The following C12orf42 variants were observed in gnomAD, a reference collection of about 807,000 sequenced individuals.
C12orf42 encodes uncharacterized protein C12orf42.
C12orf42 carries 25 observed loss-of-function variants against 21.6 expected under a neutral mutation model. The observed-to-expected ratio is 1.16, with a 90% confidence interval of 0.84 to 1.62. C12orf42 has a LOEUF of 1.62. Among genes scored for constraint, C12orf42 ranks in the 40% most tolerant of loss-of-function variants. The probability of loss-of-function intolerance (pLI) is 0.00; values close to 1 mark genes in which losing one functional copy is unlikely to be tolerated. For missense variants in C12orf42, 483 were observed against 459.3 expected (o/e 1.05, Z -0.47); for synonymous variants, 174 against 175.0 (o/e 0.99, Z 0.05).
At chr12:103,335,030 T>C (rs2041570424) in intron 4 of C12orf42, among the ~76,000 whole-genome samples, 1 of 152,236 alleles carries the variant, frequency 6.6e-6, no homozygotes, top group South Asian at 2.1e-4. Context: ...AACTGTATGT[T>C]TCATTGCTTT....
the C12orf42 span, chr12:103,504,856 TC>T: frequency 1.3e-5 from 2 of 157,580 alleles, no homozygotes; most frequent in African/African-American, 2.4e-5. Context: ...CATGAAAACC[TC>T]TGAGGGTACA....
At chr12:103,090,077 C>G in the C12orf42 span, among the ~76,000 whole-genome samples, 47 of 152,190 alleles carry the variant, frequency 3.1e-4, no homozygotes, top group African/African-American at 1.1e-3. Context: ...TGTAGATGAA[C>G]TATTCTGAAG....
At chr12:103,183,875 G>T in the C12orf42 span, among the ~76,000 whole-genome samples, 1 of 152,162 alleles carries the variant, frequency 6.6e-6, no homozygotes, top group African/African-American at 2.4e-5. Flanking sequence ...AGATTTTCCT[G>T]TTGTCTTTGT....
chr12:103,223,207 T>C, the C12orf42 span, among the ~76,000 whole-genome samples: 1 of 151,970 alleles, frequency 6.6e-6, no homozygotes, highest in South Asian at 2.1e-4. Flanking sequence ...GGGGGTGGTA[T>C]GGAGAGAGAA....
chr12:103,127,156 T>C, the C12orf42 span, among the ~76,000 whole-genome samples: 2 of 152,144 alleles, frequency 1.3e-5, no homozygotes. Context: ...GGAAGAAAAA[T>C]AGCAAAATCT....
In C12orf42 at chr12:103,419,034, A is replaced by G. The variant is rs2049622174; in HGVS notation, c.79-17359T>C. On this transcript the variant is annotated intron_variant, in intron 2 of 5. Coordinates refer to ENST00000548883, the MANE Select transcript of C12orf42 (RefSeq NM_198521.5). ...TGGGATATCATGGGAAGCTCCCCAA[A>G]GAAAGAGCCATCCAAACTTAGATCT... 2.0e-5 allele frequency among the ~76,000 whole-genome samples: 3 copies of G among 152,148 alleles called. No homozygotes were observed. The South Asian group carries it at 6.2e-4, about 32-fold the overall frequency.
chr12:103,466,242 T>G (rs1953119563), intron 2 of C12orf42, among the ~76,000 whole-genome samples: 2 of 152,206 alleles, frequency 1.3e-5, no homozygotes, highest in Non-Finnish European at 2.9e-5. Flanking sequence ...TTTTTTTGTT[T>G]GGTAAGCTAT....
At chr12:103,207,087 G>A in the C12orf42 span, among the ~76,000 whole-genome samples, 1 of 152,326 alleles carries the variant, frequency 6.6e-6, no homozygotes. Context: ...CCTCCTGTAA[G>A]CAGAGGTTTA....
At chr12:103,084,220 G>T in the C12orf42 span, among the ~76,000 whole-genome samples, 1 of 152,120 alleles carries the variant, frequency 6.6e-6, no homozygotes. Context: ...TAACAGACTT[G>T]CTCTTTCTTG....
At chr12:103,177,632 T>C in the C12orf42 span, among the ~76,000 whole-genome samples, 2 of 152,212 alleles carry the variant, frequency 1.3e-5, no homozygotes, top group Non-Finnish European at 2.9e-5. Flanking sequence ...AAAACTGACT[T>C]TCTTTTACAA....
At chr12:103,405,676 G>C (rs920954010) in intron 2 of C12orf42, among the ~76,000 whole-genome samples, 19 of 152,146 alleles carry the variant, frequency 1.2e-4, no homozygotes, top group African/African-American at 4.6e-4. Flanking sequence ...AAAAGCTTGG[G>C]TGTCAACTAT....
chr12:103,106,976 G>A, the C12orf42 span, among the ~76,000 whole-genome samples: 4 of 152,026 alleles, frequency 2.6e-5, no homozygotes, highest in East Asian at 7.7e-4. Flanking sequence ...CCAAAAGAAG[G>A]CAGATGCAGC....
the C12orf42 span, among the ~76,000 whole-genome samples, chr12:103,191,195 G>T: frequency 2.6e-5 from 4 of 151,952 alleles, no homozygotes; most frequent in South Asian, 2.1e-4. Context: ...AAAGAAAAAA[G>T]GTTTCTCAGA....
downstream of C12orf42, among the ~76,000 whole-genome samples, chr12:103,266,774 C>T (rs2035191930): frequency 6.6e-6 from 1 of 152,072 alleles, no homozygotes; most frequent in Non-Finnish European, 1.5e-5. Flanking sequence ...AAAGAAATAA[C>T]ATATTTTGTG....
At chr12:103,472,695 G>A (rs1311908335) in intron 2 of C12orf42, among the ~76,000 whole-genome samples, 1 of 152,154 alleles carries the variant, frequency 6.6e-6, no homozygotes, top group African/African-American at 2.4e-5. Flanking sequence ...AGAACTAAAA[G>A]TGCACAAGAC....
downstream of C12orf42, among the ~76,000 whole-genome samples, chr12:103,299,906 C>T (rs2136436007): frequency 6.6e-6 from 1 of 152,276 alleles, no homozygotes; most frequent in Admixed American, 6.5e-5. Context: ...ATGATCAGGG[C>T]TGAGTCAACT....
chr12:103,066,533 A>T, the C12orf42 span, among the ~76,000 whole-genome samples: 1 of 152,256 alleles, frequency 6.6e-6, no homozygotes, highest in Non-Finnish European at 1.5e-5. Context: ...AGACAGCTGC[A>T]GCACTATAGC....
intron 2 of C12orf42, among the ~76,000 whole-genome samples, chr12:103,416,595 A>G (rs890146451): frequency 1.3e-5 from 2 of 151,630 alleles, no homozygotes; most frequent in African/African-American, 2.4e-5. Flanking sequence ...TTATTCACAT[A>G]CATGCTACAT....
At chr12:103,231,679 C>G in the C12orf42 span, among the ~76,000 whole-genome samples, 1 of 152,096 alleles carries the variant, frequency 6.6e-6, no homozygotes, top group Non-Finnish European at 1.5e-5. Context: ...CATCCATTGT[C>G]TGGATGTATC....
Sources: allele counts gnomAD v4.1 joint callset (sites outside exome capture counted in the v4.1 genomes callset), GRCh38; gene constraint gnomAD v4.1.1; transcripts MANE v1.5; gene names NCBI Gene and HGNC (gene_info 2026-07-23, HGNC 2026-07-21).